The following FAM53A variants were observed in gnomAD, a reference collection of about 807,000 sequenced individuals.
The protein encoded by FAM53A is family with sequence similarity 53 member A, also known as protein FAM53A.
In FAM53A, 28 loss-of-function variants were observed where a neutral mutation model predicts 26.6. The ratio of observed to expected loss-of-function variants is 1.05; its 90% confidence interval spans 0.78 to 1.45. The LOEUF is 1.45. FAM53A is among the 40% of genes most tolerant of loss of function. The pLI is 0.00. For missense variants in FAM53A, 650 were observed against 575.8 expected (o/e 1.13, Z -1.32); for synonymous variants, 290 against 253.1 (o/e 1.15, Z -1.38).
At chr4:1,627,355 G>A (rs1200896187) in intron 1 of FAM53A, among the ~76,000 whole-genome samples, 1 of 152,222 alleles carries the variant, frequency 6.6e-6, no homozygotes, top group East Asian at 1.9e-4. Flanking sequence ...ACGCCCTCGG[G>A]TGACAGAGCA....
At chr4:1,603,126 G>C in the FAM53A span, among the ~76,000 whole-genome samples, 3 of 152,164 alleles carry the variant, frequency 2.0e-5, no homozygotes, top group African/African-American at 7.2e-5. Flanking sequence ...AAGCCCAGCT[G>C]TGTGTATGAG....
At chr4:1,644,483 C>T (rs1712059990) in intron 4 of FAM53A, 2 of 1,084,402 alleles carry the variant, frequency 1.8e-6, no homozygotes, top group South Asian at 1.7e-5. Flanking sequence ...ACTGAAGGGG[C>T]CACCCACGCT....
At chr4:1,653,158 C>T (rs1036145659) in intron 4 of FAM53A, among the ~76,000 whole-genome samples, 2 of 152,114 alleles carry the variant, frequency 1.3e-5, no homozygotes, top group Admixed American at 1.3e-4. Flanking sequence ...ACACACCACA[C>T]AGCATTTGAC....
intron 1 of FAM53A, among the ~76,000 whole-genome samples, chr4:1,671,998 G>A (rs1412958141): frequency 6.6e-6 from 1 of 152,204 alleles, no homozygotes; most frequent in Non-Finnish European, 1.5e-5. Flanking sequence ...GTGACACAGA[G>A]CAAAGCGAGC....
the FAM53A span, among the ~76,000 whole-genome samples, chr4:1,592,012 C>CCA: frequency 6.6e-6 from 1 of 152,132 alleles, no homozygotes; most frequent in Non-Finnish European, 1.5e-5. Context: ...CACCCCAGAC[C>CCA]ACAGGCTGAG....
the FAM53A span, among the ~76,000 whole-genome samples, chr4:1,584,375 T>A: frequency 1.3e-5 from 2 of 152,270 alleles, no homozygotes; most frequent in South Asian, 4.1e-4. Context: ...GAGGTAGGGA[T>A]CCTGCCTTCC....
chr4:1,677,817 C>A (rs1172153886), intron 1 of FAM53A, among the ~76,000 whole-genome samples: 1 of 152,084 alleles, frequency 6.6e-6, no homozygotes, highest in East Asian at 1.9e-4. Context: ...TGGTAGCAGG[C>A]GCCTATAATC....
At chr4:1,656,426 T>C (rs1713386474) in intron 3 of FAM53A, among the ~76,000 whole-genome samples, 1 of 151,894 alleles carries the variant, frequency 6.6e-6, no homozygotes, top group East Asian at 1.9e-4. Context: ...GCTGAGGAAC[T>C]TGGAGTGGAG....
intron 1 of FAM53A, among the ~76,000 whole-genome samples, chr4:1,620,069 G>A (rs1354467733): frequency 5.3e-5 from 8 of 152,198 alleles, no homozygotes; most frequent in South Asian, 2.1e-4. Context: ...TTAGCCGGGC[G>A]TGGTGGCGGG....
chr4:1,604,968 C>T, the FAM53A span, among the ~76,000 whole-genome samples: 5 of 152,008 alleles, frequency 3.3e-5, no homozygotes, highest in Non-Finnish European at 7.4e-5. Flanking sequence ...GTGGGGCCTC[C>T]ACATCTCCTG....
At chr4:1,652,960 CCA>C (rs1713002327) in intron 4 of FAM53A, among the ~76,000 whole-genome samples, 1 of 149,616 alleles carries the variant, frequency 6.7e-6, no homozygotes. Context: ...ACCACACAGA[CCA>C]CGCATACACT....
intron 2 of FAM53A, among the ~76,000 whole-genome samples, chr4:1,663,581 C>G (rs1262241736): frequency 6.6e-6 from 1 of 152,192 alleles, no homozygotes; most frequent in Non-Finnish European, 1.5e-5. Flanking sequence ...GGACAGCCAA[C>G]AGGCTGTCCA....
intron 1 of FAM53A, among the ~76,000 whole-genome samples, chr4:1,620,206 CAA>C (rs58416333): frequency 0.3 from 36,800 of 122,642 alleles, 4,825 homozygotes; most frequent in Admixed American, 0.41. Context: ...GACTCTGTCT[CAA>C]AAAAAAAAAA....
intron 1 of FAM53A, among the ~76,000 whole-genome samples, chr4:1,618,424 G>A (rs1714888471): frequency 6.6e-6 from 1 of 152,210 alleles, no homozygotes; most frequent in Non-Finnish European, 1.5e-5. Flanking sequence ...ATGTCCCTGG[G>A]TGGGAAGTGG....
At chr4:1,617,208 G>C (rs1247686715), downstream of FAM53A, among the ~76,000 whole-genome samples, 2 of 144,146 alleles carry the variant, frequency 1.4e-5, no homozygotes, top group Admixed American at 6.7e-5. Context: ...TGCATGTTTT[G>C]TCTGCTCAGT....
chr4:1,678,434 G>A (rs758527038), intron 1 of FAM53A, among the ~76,000 whole-genome samples: 15 of 152,346 alleles, frequency 9.8e-5, no homozygotes, highest in Non-Finnish European at 1.8e-4. Flanking sequence ...GAACCACACA[G>A]TCACTGATCT....
At chr4:1,617,545 C>A (rs1714853889), downstream of FAM53A, among the ~76,000 whole-genome samples, 1 of 152,166 alleles carries the variant, frequency 6.6e-6, no homozygotes. Flanking sequence ...AACCATCACA[C>A]ATAATTTAGG....
At chr4:1,649,152 G>GGGGAAA (rs200787006) in intron 4 of FAM53A, among the ~76,000 whole-genome samples, 23,301 of 137,296 alleles carry the variant, frequency 0.17, 2,538 homozygotes, top group Non-Finnish European at 0.23. Context: ...GGAAAGGGAA[G>GGGGAAA]GGGAAAGGGA....
intron 2 of FAM53A, among the ~76,000 whole-genome samples, 161 bp downstream of exon 2, chr4:1,668,506 C>T (rs535294809): frequency 3.3e-4 from 51 of 152,278 alleles, no homozygotes; most frequent in Non-Finnish European, 6.6e-4. Context: ...CACTGATGGG[C>T]TCTGGGGCCC....
Sources: allele counts gnomAD v4.1 joint callset (sites outside exome capture counted in the v4.1 genomes callset), GRCh38; gene constraint gnomAD v4.1.1; transcripts MANE v1.5; gene names NCBI Gene and HGNC (gene_info 2026-07-23, HGNC 2026-07-21).